SLC47A2: variants seen among roughly 807,000 people sequenced by gnomAD.
The protein encoded by SLC47A2 is multidrug and toxin extrusion protein 2.
A neutral mutation model predicts 67.7 loss-of-function variants in SLC47A2; 52 were observed. The ratio of observed to expected loss-of-function variants is 0.77; its 90% CI spans 0.61 to 0.97. The LOEUF (loss-of-function observed/expected upper bound fraction) is 0.97, where lower values mean the gene tolerates loss of function less well. SLC47A2 is among the 50% of genes least tolerant of loss of function. The probability of loss-of-function intolerance (pLI) is 0.00; values close to 1 mark genes in which losing one functional copy is unlikely to be tolerated. For missense variants in SLC47A2, 676 were observed against 712.3 expected, an observed-to-expected ratio of 0.95 and a Z score of 0.58; for synonymous variants, 278 against 292.9, an observed-to-expected ratio of 0.95 and a Z score of 0.52.
At chr17:19,704,213 C>T in intron 10 of SLC47A2, 35 bp from the exon 11 acceptor site, 1 of 1,555,932 alleles carries the variant, frequency 6.4e-7, no homozygotes, top group South Asian at 1.2e-5. Context: ...TGTCAGTGGG[C>T]CCACCCTCCA....
In SLC47A2 at chr17:19,704,634, A is replaced by G. The variant is rs1207260549; in HGVS notation, c.910-456T>C. On this transcript the variant is annotated intron_variant, in intron 10 of 16. Transcript: ENST00000433844. Reference sequence around the variant, plus strand: ...CCTTTGCTTAAAGCTGGGGTCAGGGATAACATGCAGATGCGTACCCGAGTG... The same window carrying G: ...CCTTTGCTTAAAGCTGGGGTCAGGGGTAACATGCAGATGCGTACCCGAGTG... 5 of 1,535,894 alleles carry G rather than the reference A, an allele frequency of 3.3e-6. No individual in the cohort carries two copies. In the South Asian group the frequency reaches 3.7e-5, roughly 11 times the overall value.
intron 13 of SLC47A2, among the ~76,000 whole-genome samples, chr17:19,682,155 C>T (rs920528038): frequency 6.6e-6 from 1 of 152,136 alleles, no homozygotes; most frequent in Admixed American, 6.5e-5. Context: ...CACTTGAGGT[C>T]AGGAGTTCAA....
chr17:19,712,256 G>T (rs897169622), intron 5 of SLC47A2, among the ~76,000 whole-genome samples: 1 of 152,104 alleles, frequency 6.6e-6, no homozygotes, highest in African/African-American at 2.4e-5. Context: ...GCGTGGTGGT[G>T]CATGCCTGTA....
chr17:19,704,875 G>C, intron 10 of SLC47A2: 1 of 460,458 alleles, frequency 2.2e-6, no homozygotes, highest in South Asian at 4.5e-5. Flanking sequence ...GCCTAGGCTT[G>C]AGTGCAGTGG....
Position 19,712,704 on chromosome 17 carries a change from G to A in SLC47A2, c.485C>T (p.Pro162Leu), listed in dbSNP as rs146901447. 1,549 of 1,613,144 alleles carry A rather than the reference G, an allele frequency of 9.6e-4. 11 individuals carry two copies. In the African/African-American group the frequency reaches 0.018, roughly 19 times the overall value. ...DYVMIFIPGL[P>L]VIFLYNLLAK... Reference sequence around the variant, plus strand: ...CGCTCAGCAAACAGGGGCACCTACCGGAAGTCCTGGAATGAAAATCATTAC... The same window carrying A: ...CGCTCAGCAAACAGGGGCACCTACCAGAAGTCCTGGAATGAAAATCATTAC... The change falls in exon 5 of 17, where the codon CCG (proline) becomes CTG (leucine). Residue 162 changes from proline (P) to leucine (L), a missense_variant and splice_region_variant. Coordinates refer to ENST00000433844, the MANE Select transcript of SLC47A2 (RefSeq NM_001099646.3).
chr17:19,710,743 G>A (rs912677605), intron 5 of SLC47A2, among the ~76,000 whole-genome samples: 39 of 151,882 alleles, frequency 2.6e-4, no homozygotes, highest in South Asian at 6.2e-4. Context: ...GTGAGCCACC[G>A]TGCCCGGCTG....
chr17:19,699,746 AGTT>A (rs1399629739), intron 13 of SLC47A2, among the ~76,000 whole-genome samples: 5 of 152,188 alleles, frequency 3.3e-5, no homozygotes, highest in Admixed American at 3.3e-4. Context: ...CTAAAAATAA[AGTT>A]ATCATTTGAC....
intron 13 of SLC47A2, among the ~76,000 whole-genome samples, chr17:19,698,088 G>A (rs1229564535): frequency 6.6e-6 from 1 of 152,100 alleles, no homozygotes; most frequent in Non-Finnish European, 1.5e-5. Context: ...TTGTTTTGTA[G>A]ATATTGACAA....
At chr17:19,695,796 T>C (rs1408456253) in intron 13 of SLC47A2, among the ~76,000 whole-genome samples, 1 of 151,820 alleles carries the variant, frequency 6.6e-6, no homozygotes, top group Non-Finnish European at 1.5e-5. Flanking sequence ...CAACCTTGGC[T>C]CACTACAACT....
At chr17:19,694,956 A>C (rs2085626458) in intron 13 of SLC47A2, among the ~76,000 whole-genome samples, 1 of 151,654 alleles carries the variant, frequency 6.6e-6, no homozygotes, top group African/African-American at 2.4e-5. Context: ...AATGTAAGAA[A>C]GACTTAACAT....
chr17:19,681,426 C>A lies in SLC47A2; in HGVS notation c.1333G>T (p.Ala445Ser). ...GTATAAGCAACAAAGGCAGCAGTTGCCAGGAAGACACAGGCCAGCATGCCC... is the reference window on the plus strand; with the variant it reads ...GTATAAGCAACAAAGGCAGCAGTTGACAGGAAGACACAGGCCAGCATGCCC... Reference protein sequence around the residue: ...WLGMLACVFLATAAFVAYTAR... With the variant: ...WLGMLACVFLSTAAFVAYTAR... The change falls in exon 15 of 17, where the codon GCA (alanine) becomes TCA (serine). Residue 445 changes from alanine (A) to serine (S), a missense_variant. By Grantham distance (99) the Ala-to-Ser change is moderately conservative. Transcript: ENST00000433844. The A allele has an allele frequency of 6.2e-7, 1 of 1,613,686 alleles. No homozygotes were observed. Among genetic ancestry groups the A allele is most frequent in the Non-Finnish European group, 8.5e-7 (1 of 1,179,856 alleles).
chr17:19,713,735 T>A, intron 4 of SLC47A2, 90 bp downstream of exon 4: 14 of 1,522,736 alleles, frequency 9.2e-6, no homozygotes, highest in Admixed American at 5.5e-5. Context: ...TAGAGAAGCA[T>A]GGGGTGTGAG....
At chr17:19,689,893 T>C (rs118131131) in intron 13 of SLC47A2, among the ~76,000 whole-genome samples, 3,469 of 152,220 alleles carry the variant, frequency 0.023, 71 homozygotes, top group African/African-American at 0.052. Context: ...ATACCAATGA[T>C]GTTCCTCACA....
intron 7 of SLC47A2, among the ~76,000 whole-genome samples, chr17:19,708,065 T>G (rs1483871906): frequency 6.6e-6 from 1 of 152,168 alleles, no homozygotes; most frequent in Non-Finnish European, 1.5e-5. Context: ...ACCTTGCCAG[T>G]GCCCACTTCA....
chr17:19,696,957 G>T (rs2085677478), intron 13 of SLC47A2, among the ~76,000 whole-genome samples: 1 of 152,116 alleles, frequency 6.6e-6, no homozygotes, highest in Admixed American at 6.5e-5. Flanking sequence ...TCATCCTTTT[G>T]TCAGGAACCG....
intron 13 of SLC47A2, among the ~76,000 whole-genome samples, chr17:19,695,832 T>G (rs2085651631): frequency 6.6e-6 from 1 of 151,922 alleles, no homozygotes; most frequent in Non-Finnish European, 1.5e-5. Flanking sequence ...CAAGCAATTT[T>G]CCTGCCTCAG....
intron 12 of SLC47A2, 121 bp downstream of exon 12, chr17:19,702,971 G>T: frequency 8.8e-7 from 1 of 1,141,890 alleles, no homozygotes; most frequent in Non-Finnish European, 1.3e-6. Context: ...TGAGAGCCAA[G>T]CCTGGGCTCT....
intron 9 of SLC47A2, 98 bp downstream of exon 9, chr17:19,706,542 TGGGGAGGG>T: frequency 1.1e-6 from 1 of 920,600 alleles, no homozygotes; most frequent in Non-Finnish European, 1.6e-6. Flanking sequence ...GCTGCCATCC[TGGGGAGGG>T]GGCTTCTGGG....
intron 13 of SLC47A2, among the ~76,000 whole-genome samples, chr17:19,693,611 AAAT>A (rs61226037): frequency 2.5e-4 from 37 of 146,346 alleles, no homozygotes; most frequent in East Asian, 6.1e-4. Context: ...TCTCTACTAA[AAAT>A]AATAATAATA....
Sources: allele counts gnomAD v4.1 joint callset (sites outside exome capture counted in the v4.1 genomes callset), GRCh38; gene constraint gnomAD v4.1.1; transcripts MANE v1.5; gene names NCBI Gene and HGNC (gene_info 2026-07-23, HGNC 2026-07-21).